The following DYNC1I1 variants were observed in gnomAD, a reference collection of about 807,000 sequenced individuals.
The protein encoded by DYNC1I1 is dynein cytoplasmic 1 intermediate chain 1, also known as cytoplasmic dynein 1 intermediate chain 1.
A neutral mutation model predicts 86.6 loss-of-function variants in DYNC1I1; 43 were observed. The ratio of observed to expected loss-of-function variants is 0.50; its 90% CI spans 0.39 to 0.64. The LOEUF (loss-of-function observed/expected upper bound fraction) is 0.64, where lower values mean the gene tolerates loss of function less well. Ranked by LOEUF, DYNC1I1 falls within the 30% of genes least tolerant of loss-of-function variation. The pLI, the probability that DYNC1I1 is intolerant of heterozygous loss-of-function variation, is 0.00. For synonymous variants in DYNC1I1, 262 were observed against 283.7 expected, an observed-to-expected ratio of 0.92 and a Z score of 0.77; for missense variants, 604 against 788.8, an observed-to-expected ratio of 0.77 and a Z score of 2.81.
At chr7:96,050,034 C>CA (rs1789353521) in intron 14 of DYNC1I1, among the ~76,000 whole-genome samples, 1 of 140,424 alleles carries the variant, frequency 7.1e-6, no homozygotes. Flanking sequence ...AAAAAACAAA[C>CA]AAACAAAAAA....
chr7:96,034,054 C>G (rs1201748850), intron 12 of DYNC1I1, among the ~76,000 whole-genome samples: 2 of 151,966 alleles, frequency 1.3e-5, no homozygotes, highest in Non-Finnish European at 2.9e-5. Context: ...CACACATGCA[C>G]ACACACAAAA....
intron 1 of DYNC1I1, among the ~76,000 whole-genome samples, chr7:95,785,769 GTATGTGTATATATATATA>G (rs1794117893): frequency 1.6e-5 from 1 of 64,246 alleles, no homozygotes; most frequent in African/African-American, 4.6e-5. Context: ...ATATATGTGT[GTATGTGTATATATATATA>G]TATATATATA....
rs951506512 is a variant in DYNC1I1, at chr7:95,867,056, T to G, written c.375-2827T>G. Among the ~76,000 whole-genome samples, 3 of 152,224 alleles carry G rather than the reference T, an allele frequency of 2.0e-5. No homozygotes were observed. In the East Asian group the frequency reaches 5.8e-4, roughly 29 times the overall value. ...AACAGATGTTTCAAAGGAAAAGAAG[T>G]TAAGGAAAAGCAAATGAACTCTCCC... On this transcript the variant is annotated intron_variant, in intron 5 of 16. Transcript: ENST00000447467.
chr7:96,079,733 G>A (rs527760676), intron 15 of DYNC1I1, among the ~76,000 whole-genome samples: 14 of 152,106 alleles, frequency 9.2e-5, no homozygotes, highest in South Asian at 2.1e-4. Context: ...ATTACACTTC[G>A]GTACTGCCAG....
chr7:95,798,571 C>A (rs1490808860), intron 1 of DYNC1I1, among the ~76,000 whole-genome samples: 1 of 152,106 alleles, frequency 6.6e-6, no homozygotes, highest in Non-Finnish European at 1.5e-5. Context: ...AAACTTATTT[C>A]TGGGTATTTT....
intron 5 of DYNC1I1, among the ~76,000 whole-genome samples, chr7:95,832,524 G>GGA (rs1283294830): frequency 6.6e-6 from 1 of 151,996 alleles, no homozygotes; most frequent in African/African-American, 2.4e-5. Context: ...TCTAGTTCTA[G>GGA]ATCCCTGAGG....
At chr7:95,869,239 T>C (rs1413699447) in intron 5 of DYNC1I1, among the ~76,000 whole-genome samples, 3 of 152,140 alleles carry the variant, frequency 2.0e-5, no homozygotes, top group Admixed American at 6.5e-5. Context: ...TATTCAGAAA[T>C]GGTTTCTTAC....
intron 4 of DYNC1I1, among the ~76,000 whole-genome samples, chr7:95,814,816 T>G (rs2115852308): frequency 6.6e-6 from 1 of 152,266 alleles, no homozygotes; most frequent in Middle Eastern, 3.4e-3. Flanking sequence ...TTTGAGGGCA[T>G]AAAGCTGGTT....
rs538717813 is a variant in DYNC1I1, at chr7:95,907,331, C to T, written c.490+37333C>T. Among the ~76,000 whole-genome samples the T allele has an allele frequency of 1.9e-3, 292 of 152,288 alleles. 1 individual carries two copies. The highest frequency in any genetic ancestry group is 6.4e-3 in the African/African-American group (267 of 41,542). ...GTCACACAGTGTGTGCTTTCATAAG[C>T]CACCATATAATTGCCAGAATGACCG... On this transcript the variant is annotated intron_variant, in intron 6 of 16. Transcript: ENST00000447467.
At chr7:96,078,410 C>A (rs79921129) in intron 15 of DYNC1I1, among the ~76,000 whole-genome samples, 1 of 152,000 alleles carries the variant, frequency 6.6e-6, no homozygotes, top group Non-Finnish European at 1.5e-5. Flanking sequence ...CATTACTGAT[C>A]GGATTAATGC....
At chr7:95,911,773 C>G (rs1175491251) in intron 6 of DYNC1I1, among the ~76,000 whole-genome samples, 3 of 152,090 alleles carry the variant, frequency 2.0e-5, no homozygotes, top group African/African-American at 7.2e-5. Context: ...CAGGTCAGCA[C>G]CTGCTGCTGC....
At chr7:95,913,298 G>A (rs1791385706) in intron 6 of DYNC1I1, among the ~76,000 whole-genome samples, 1 of 152,166 alleles carries the variant, frequency 6.6e-6, no homozygotes, top group Non-Finnish European at 1.5e-5. Context: ...ATAGAACAGA[G>A]CTCTTGAGCG....
chr7:96,052,906 G>A (rs116768011), intron 14 of DYNC1I1, among the ~76,000 whole-genome samples: 55 of 152,296 alleles, frequency 3.6e-4, no homozygotes, highest in African/African-American at 1.3e-3. Context: ...AAGGTGGGCA[G>A]TAAGGACATC....
Position 96,026,422 on chromosome 7 carries a change from G to GT in DYNC1I1, c.970-1744dup, listed in dbSNP as rs200343269. Among the ~76,000 whole-genome samples, 363 of 150,194 alleles carry GT rather than the reference G, an allele frequency of 2.4e-3. 1 individual carries two copies. Among genetic ancestry groups the GT allele is most frequent in the African/African-American group, 8.0e-3 (329 of 40,892 alleles). ...TTTACTAGTCAAAAAGAGGTCATAGGTTTTTTTTTGGGGTTTTTTTGTTAC... is the reference window on the plus strand; with the variant it reads ...TTTACTAGTCAAAAAGAGGTCATAGGTTTTTTTTTTGGGGTTTTTTTGTTAC... On this transcript the variant is annotated intron_variant, in intron 10 of 16. Coordinates refer to ENST00000447467, the MANE Select transcript of DYNC1I1 (RefSeq NM_001135556.2).
intron 6 of DYNC1I1, among the ~76,000 whole-genome samples, chr7:95,975,992 A>C (rs1238552180): frequency 6.6e-6 from 1 of 152,188 alleles, no homozygotes; most frequent in Non-Finnish European, 1.5e-5. Flanking sequence ...AGATAGCATT[A>C]ATATGTTCAC....
chr7:95,848,208 GTT>G lies in DYNC1I1; in HGVS notation c.374+20108_374+20109del, dbSNP rs55696943. Among the ~76,000 whole-genome samples the G allele has an allele frequency of 4.9e-3, 679 of 138,758 alleles. 3 individuals carry two copies. The highest frequency in any genetic ancestry group is 8.2e-3 in the African/African-American group (308 of 37,654). The allele number at this position is 138,758 out of a possible 152,430, so 91.0% of individuals were successfully genotyped here. On this transcript the variant is annotated intron_variant, in intron 5 of 16. Coordinates refer to ENST00000447467, the MANE Select transcript of DYNC1I1 (RefSeq NM_001135556.2). ...TTACACTGGTGTTTGACTTACAGTTGTTTTTTTTTTTTTTTTTAACTTTACAA... is the reference window on the plus strand; with the variant it reads ...TTACACTGGTGTTTGACTTACAGTTGTTTTTTTTTTTTTTTAACTTTACAA...
intron 1 of DYNC1I1, among the ~76,000 whole-genome samples, chr7:95,800,247 G>C (rs543627132): frequency 3.3e-4 from 50 of 152,108 alleles, no homozygotes; most frequent in African/African-American, 1.2e-3. Context: ...CTAGGGATTT[G>C]TGTATGGAGT....
rs146248953 is a variant in DYNC1I1, at chr7:96,031,495, C to A, written c.1117-1172C>A. 6.9e-3 allele frequency among the ~76,000 whole-genome samples: 1,057 copies of A among 152,256 alleles called. 7 individuals are homozygous for A. Among genetic ancestry groups the A allele is most frequent in the Non-Finnish European group, 0.011 (768 of 68,016 alleles). On this transcript the variant is annotated intron_variant, in intron 11 of 16. Coordinates refer to ENST00000447467, the MANE Select transcript of DYNC1I1 (RefSeq NM_001135556.2). ...CCATTAGTGGAAGAAAAAACTCCCC[C>A]AGGATACTACGAAAACTGGCTGCCC...
At chr7:96,050,180 A>C (rs1244983664) in intron 14 of DYNC1I1, among the ~76,000 whole-genome samples, 1 of 152,196 alleles carries the variant, frequency 6.6e-6, no homozygotes, top group African/African-American at 2.4e-5. Flanking sequence ...ATAATAATAA[A>C]ATATTAAAAA....
Sources: allele counts gnomAD v4.1 joint callset (sites outside exome capture counted in the v4.1 genomes callset), GRCh38; gene constraint gnomAD v4.1.1; transcripts MANE v1.5; gene names NCBI Gene and HGNC (gene_info 2026-07-23, HGNC 2026-07-21).